The following PRICKLE1 variants were observed in gnomAD, a reference collection of about 807,000 sequenced individuals.
PRICKLE1 encodes prickle-like protein 1.
Under a neutral mutation model 70.2 loss-of-function variants are expected in PRICKLE1, and 14 were observed. The ratio of observed to expected loss-of-function variants is 0.20; its 90% confidence interval spans 0.13 to 0.31. PRICKLE1 has a LOEUF of 0.31. Among genes scored for constraint, PRICKLE1 ranks in the 10% least tolerant of loss-of-function variants. PRICKLE1 has a pLI of 1.00. For synonymous variants in PRICKLE1, 357 were observed against 379.9 expected (o/e 0.94, Z 0.70); for missense variants, 821 against 1,026.2 (o/e 0.80, Z 2.73).
chr12:42,456,765 T>C lies in PRICKLE1; in HGVS notation c.*3044A>G, dbSNP rs1221113466. On this transcript the variant is annotated 3_prime_UTR_variant, in exon 8 of 8. Transcript: ENST00000345127. The stretch of plus-strand genomic sequence containing the variant: ...TGTGAGAATAGACTAAGTCGGCAAC[T>C]ATAGGCTTTATTTTCTTGCCAATTC... 1 of 152,230 alleles carries C rather than the reference T, an allele frequency of 6.6e-6. No individual in the cohort carries two copies. Among genetic ancestry groups the C allele is most frequent in the Non-Finnish European group, 1.5e-5 (1 of 68,038 alleles). 9.4% of individuals were successfully genotyped at this position (152,230 alleles called of 1,614,324 possible).
At chr12:42,474,824 G>T (rs1451491079) in intron 1 of PRICKLE1, among the ~76,000 whole-genome samples, 2 of 152,208 alleles carry the variant, frequency 1.3e-5, no homozygotes, top group African/African-American at 4.8e-5. Flanking sequence ...TAAGCAGGGA[G>T]ACACTAAGGT....
chr12:42,539,459 C>T (rs1940070195), intron 1 of PRICKLE1, among the ~76,000 whole-genome samples: 1 of 148,860 alleles, frequency 6.7e-6, no homozygotes. Flanking sequence ...CAGAGCGAGA[C>T]TCTGTCTCAA....
rs182542559 is a variant in PRICKLE1, at chr12:42,471,175, T to C, written c.133-816A>G. Among the ~76,000 whole-genome samples the C allele has an allele frequency of 9.8e-5, 15 of 152,348 alleles. No homozygotes were observed. The East Asian group carries it at 2.3e-3, about 23-fold the overall frequency. On this transcript the variant is annotated intron_variant, in intron 2 of 7. Transcript: ENST00000345127. The stretch of plus-strand genomic sequence containing the variant: ...TTCTTTGCTTCCATGAGTGCTATTT[T>C]CTGAATACCTGAAGTCAGCCTCCCC...
intron 1 of PRICKLE1, among the ~76,000 whole-genome samples, chr12:42,551,156 T>C (rs1177465972): frequency 6.6e-6 from 1 of 152,240 alleles, no homozygotes; most frequent in Non-Finnish European, 1.5e-5. Flanking sequence ...TAAAAATTTA[T>C]CAGCACCACC....
intron 1 of PRICKLE1, among the ~76,000 whole-genome samples, chr12:42,580,550 T>C (rs1331787116): frequency 6.6e-6 from 1 of 152,234 alleles, no homozygotes; most frequent in Non-Finnish European, 1.5e-5. Flanking sequence ...AATTGGGAGA[T>C]ACTTTGTGCG....
chr12:42,587,691 C>G (rs975175301), intron 1 of PRICKLE1, among the ~76,000 whole-genome samples: 4 of 152,222 alleles, frequency 2.6e-5, no homozygotes, highest in Non-Finnish European at 4.4e-5. Flanking sequence ...TGACAGATTC[C>G]TGTCCCAGGC....
intron 1 of PRICKLE1, among the ~76,000 whole-genome samples, chr12:42,504,874 C>G (rs1939379390): frequency 6.6e-6 from 1 of 152,080 alleles, no homozygotes; most frequent in African/African-American, 2.4e-5. Flanking sequence ...TGGGCACGGT[C>G]ACTCATGCCT....
intron 1 of PRICKLE1, among the ~76,000 whole-genome samples, chr12:42,564,557 G>A (rs1047000111): frequency 6.6e-6 from 1 of 152,138 alleles, no homozygotes; most frequent in African/African-American, 2.4e-5. Context: ...GCGGTGAGCT[G>A]AGATGGTGCC....
chr12:42,519,579 C>A (rs1418211019), intron 1 of PRICKLE1, among the ~76,000 whole-genome samples: 1 of 152,220 alleles, frequency 6.6e-6, no homozygotes, highest in South Asian at 2.1e-4. Flanking sequence ...ATTTGATCAA[C>A]TCCGACCCCT....
At chr12:42,573,527 GAT>G (rs1940756883) in intron 1 of PRICKLE1, among the ~76,000 whole-genome samples, 1 of 152,060 alleles carries the variant, frequency 6.6e-6, no homozygotes, top group Admixed American at 6.6e-5. Context: ...TTTATTCTAA[GAT>G]AAAAGAAAGG....
At chr12:42,521,833 A>T (rs957677347) in intron 1 of PRICKLE1, among the ~76,000 whole-genome samples, 6 of 152,202 alleles carry the variant, frequency 3.9e-5, no homozygotes, top group Non-Finnish European at 8.8e-5. Context: ...ACATAAAGCA[A>T]TAGTGAAGAG....
intron 1 of PRICKLE1, among the ~76,000 whole-genome samples, chr12:42,533,547 T>A (rs991160980): frequency 5.9e-5 from 9 of 152,182 alleles, no homozygotes; most frequent in African/African-American, 2.2e-4. Context: ...TTTCATTGCC[T>A]GTTAAATAAC....
At chr12:42,569,799 C>T (rs1164965478) in intron 1 of PRICKLE1, among the ~76,000 whole-genome samples, 1 of 152,202 alleles carries the variant, frequency 6.6e-6, no homozygotes, top group Non-Finnish European at 1.5e-5. Context: ...TATCACTTCA[C>T]CAGTCTTCAT....
At chr12:42,564,551 T>C (rs929770318) in intron 1 of PRICKLE1, among the ~76,000 whole-genome samples, 4 of 152,132 alleles carry the variant, frequency 2.6e-5, no homozygotes, top group Admixed American at 2.0e-4. Context: ...GAGGTTGCGG[T>C]GAGCTGAGAT....
chr12:42,482,278 C>G lies in PRICKLE1; in HGVS notation c.-48-9714G>C, dbSNP rs549047869. Among the ~76,000 whole-genome samples, 5 of 152,390 alleles carry G rather than the reference C, an allele frequency of 3.3e-5. No homozygotes were observed. The South Asian group carries it at 1.0e-3, about 32-fold the overall frequency. On this transcript the variant is annotated intron_variant, in intron 1 of 7. Transcript: ENST00000345127. ...AAAAGGAGGAAACATGACGACAAAG[C>G]CTGGTCCTCCGCCAGCGCGGCGCTT... is the stretch of plus-strand genomic sequence containing the variant.
chr12:42,502,320 T>TC (rs1939329638), intron 1 of PRICKLE1, among the ~76,000 whole-genome samples: 1 of 151,352 alleles, frequency 6.6e-6, no homozygotes, highest in Non-Finnish European at 1.5e-5. Context: ...TCTTTTCTTT[T>TC]TTTTTGAGAC....
In PRICKLE1 at chr12:42,478,767, T is replaced by C. The variant is rs148609713; in HGVS notation, c.-48-6203A>G. Among the ~76,000 whole-genome samples the C allele has an allele frequency of 5.9e-5, 9 of 151,966 alleles. No homozygotes were observed. In the East Asian group the frequency reaches 1.7e-3, roughly 29 times the overall value. On this transcript the variant is annotated intron_variant, in intron 1 of 7. Coordinates refer to ENST00000345127, the MANE Select transcript of PRICKLE1 (RefSeq NM_153026.3). Reference sequence around the variant, plus strand: ...AGAAAGGCAAGGAATATCATGGGGCTATTCCATGCAATAGAAAATGGAACA... The same window carrying C: ...AGAAAGGCAAGGAATATCATGGGGCCATTCCATGCAATAGAAAATGGAACA...
intron 1 of PRICKLE1, among the ~76,000 whole-genome samples, chr12:42,525,394 G>C (rs771275715): frequency 6.6e-6 from 1 of 152,154 alleles, no homozygotes; most frequent in Non-Finnish European, 1.5e-5. Flanking sequence ...CCAAGGAGAG[G>C]GTCGAGGGAA....
chr12:42,514,901 CT>C (rs150707718), intron 1 of PRICKLE1, among the ~76,000 whole-genome samples: 69 of 73,922 alleles, frequency 9.3e-4, no homozygotes, highest in South Asian at 3.2e-3. Flanking sequence ...ATCTATCTAT[CT>C]ATCTATCTAT....
Sources: gnomAD v4.1 joint callset for allele counts (sites outside exome capture counted in the v4.1 genomes callset) on GRCh38, gnomAD v4.1.1 for gene constraint, MANE v1.5 for transcripts, NCBI Gene and HGNC (gene_info 2026-07-23, HGNC 2026-07-21) for gene names.